MARF1: variants seen among roughly 807,000 people sequenced by gnomAD.
MARF1 encodes limkain-b1.
MARF1 carries 24 observed loss-of-function variants against 168.2 expected under a neutral mutation model. That is an observed-to-expected ratio of 0.14 (90% CI 0.10 to 0.20). MARF1 has a LOEUF of 0.20. Ranked by LOEUF, MARF1 falls within the 10% of genes least tolerant of loss-of-function variation. MARF1 has a pLI of 1.00. For synonymous variants in MARF1, 868 were observed against 822.4 expected (o/e 1.06, Z -0.95); for missense variants, 1,744 against 2,143.6 (o/e 0.81, Z 3.68).
At chr16:15,615,343 A>T (rs2033957573) in intron 16 of MARF1, among the ~76,000 whole-genome samples, 1 of 151,956 alleles carries the variant, frequency 6.6e-6, no homozygotes, top group South Asian at 2.1e-4. Flanking sequence ...AACAAAGTCT[A>T]GGCCGGTTGC....
intron 13 of MARF1, 28 bp downstream of exon 13, chr16:15,620,423 G>A (rs2034373763): frequency 2.7e-6 from 4 of 1,468,530 alleles, no homozygotes; most frequent in Middle Eastern, 1.7e-4. Context: ...AGTACTGACT[G>A]GATAAAGAAA....
intron 7 of MARF1, among the ~76,000 whole-genome samples, chr16:15,629,896 T>G (rs1333054693): frequency 6.6e-6 from 1 of 152,180 alleles, no homozygotes; most frequent in Non-Finnish European, 1.5e-5. Flanking sequence ...CCGCTGAAGC[T>G]TAAGGATTAA....
intron 1 of MARF1, among the ~76,000 whole-genome samples, chr16:15,641,536 C>T (rs2035960242): frequency 6.6e-6 from 1 of 152,190 alleles, no homozygotes; most frequent in African/African-American, 2.4e-5. Context: ...CTTAACATTA[C>T]TTATGTCTTC....
chr16:15,596,703 G>A lies in MARF1; in HGVS notation c.5219C>T (p.Thr1740Ile). The change falls in exon 27 of 27, where the codon ACC (threonine) becomes ATC (isoleucine). Residue 1740 changes from threonine to isoleucine, a missense_variant. Physicochemically the swap from Thr to Ile is moderately conservative, Grantham distance 89 (BLOSUM62 -1). This residue lies in a region of MARF1 where 313 missense variants were observed against 337.4 expected (regional missense o/e 0.93). Transcript: ENST00000396368. Reference sequence around the variant, plus strand: ...TATTCCAAATGGGAGTTAAAGCTTGGTTATAGGTGCTAAGGAAAAGTTGGC... The same window carrying A: ...TATTCCAAATGGGAGTTAAAGCTTGATTATAGGTGCTAAGGAAAAGTTGGC... Reference protein sequence around the residue: ...LAANFSLAPITKL With the variant: ...LAANFSLAPIIKL 2 of 1,599,362 alleles carry A rather than the reference G, an allele frequency of 1.3e-6. No individual in the cohort carries two copies. Among genetic ancestry groups the A allele is most frequent in the Non-Finnish European group, 1.7e-6 (2 of 1,168,586 alleles).
At chr16:15,635,247 A>G (rs13329739) in intron 3 of MARF1, 7,851 of 404,366 alleles carry the variant, frequency 0.019, 406 homozygotes, top group African/African-American at 0.12. Flanking sequence ...TTGAACACCA[A>G]TGTGACTGAG....
rs191113871 is a variant in MARF1, at chr16:15,623,895, C to T, written c.2271-772G>A. 2.6e-3 allele frequency among the ~76,000 whole-genome samples: 387 copies of T among 151,386 alleles called. 2 individuals carry two copies. The highest frequency in any genetic ancestry group is 3.7e-3 in the Non-Finnish European group (252 of 67,838). On this transcript the variant is annotated intron_variant, in intron 10 of 26. Coordinates refer to ENST00000396368, the MANE Select transcript of MARF1 (RefSeq NM_014647.4). The stretch of plus-strand genomic sequence containing the variant: ...GCTTTTTAGATGTAATTTTATAGAT[C>T]CATAGTCACTTTCTCTTTTTTTTTT...
intron 15 of MARF1, chr16:15,616,786 C>A: frequency 4.8e-6 from 2 of 414,952 alleles, no homozygotes; most frequent in East Asian, 4.2e-5. Flanking sequence ...GCAACTATAA[C>A]ACAATGGTAT....
chr16:15,617,476 C>A lies in MARF1; in HGVS notation c.2780G>T (p.Arg927Leu). The change falls in exon 14 of 27, where the codon CGT becomes CTT. Residue 927 changes from arginine (R) to leucine (L), a missense_variant. This residue lies in a region of MARF1 where 543 missense variants were observed against 742.1 expected (regional missense o/e 0.73). Transcript: ENST00000396368. The stretch of plus-strand genomic sequence containing the variant: ...CACCAGCCGTCCGTTTCCTTGTTCA[C>A]GGATTGCGACCGTGTCTGTTAATTT... ...LYKLTDTVAI[R>L]EQGNGRLVCL... The A allele has an allele frequency of 6.2e-7, 1 of 1,613,880 alleles. No homozygotes were observed. Among genetic ancestry groups the A allele is most frequent in the South Asian group, 1.1e-5 (1 of 91,078 alleles).
At chr16:15,615,096 A>G (rs1377632638) in intron 16 of MARF1, among the ~76,000 whole-genome samples, 1 of 152,156 alleles carries the variant, frequency 6.6e-6, no homozygotes, top group African/African-American at 2.4e-5. Flanking sequence ...AACTATTTTT[A>G]AAAGGTCAGT....
At chr16:15,608,895 AC>A (rs2033264156) in intron 20 of MARF1, among the ~76,000 whole-genome samples, 1 of 152,248 alleles carries the variant, frequency 6.6e-6, no homozygotes, top group Admixed American at 6.5e-5. Flanking sequence ...ACTCAGACCT[AC>A]CTTCAACACG....
chr16:15,611,852 T>C (rs989511426), intron 17 of MARF1, 118 bp from the exon 18 acceptor site: 2 of 780,392 alleles, frequency 2.6e-6, no homozygotes, highest in East Asian at 2.6e-5. Context: ...GTAGAATGTG[T>C]GCAATTTGAA....
intron 2 of MARF1, among the ~76,000 whole-genome samples, chr16:15,638,680 G>A (rs966455364): frequency 2.6e-5 from 4 of 151,974 alleles, no homozygotes; most frequent in African/African-American, 7.3e-5. Flanking sequence ...GAGAAATCTC[G>A]AAATAAAAAA....
At chr16:15,627,970 A>C (rs1039768828) in intron 7 of MARF1, among the ~76,000 whole-genome samples, 1 of 152,194 alleles carries the variant, frequency 6.6e-6, no homozygotes, top group African/African-American at 2.4e-5. Context: ...TATGCCTTGG[A>C]AATTACCCTA....
chr16:15,615,964 ACTT>A lies in MARF1; in HGVS notation c.3116_3118del (p.Glu1039del). On this transcript the variant is annotated inframe_deletion, in exon 16 of 27. Coordinates refer to ENST00000396368, the MANE Select transcript of MARF1 (RefSeq NM_014647.4). ...AACACCTCCTTGGTTTTCTTGCACTACTTCTAGATCGCCAAACTCTGCAATGTA... is the reference window on the plus strand; with the variant it reads ...AACACCTCCTTGGTTTTCTTGCACTACTAGATCGCCAAACTCTGCAATGTA... The A allele has an allele frequency of 1.3e-6, 2 of 1,565,754 alleles. No homozygotes were observed. Among genetic ancestry groups the A allele is most frequent in the Non-Finnish European group, 1.7e-6 (2 of 1,154,182 alleles).
chr16:15,599,545 G>A (rs1567525100), intron 25 of MARF1, among the ~76,000 whole-genome samples: 1 of 152,206 alleles, frequency 6.6e-6, no homozygotes, highest in South Asian at 2.1e-4. Context: ...TTCATAAAAC[G>A]TCAAATGCTG....
In MARF1 at chr16:15,620,456, T is replaced by C. The variant is rs774640657; in HGVS notation, c.2715A>G (p.Glu905=). 6.2e-7 allele frequency: 1 copy of C among 1,607,562 alleles called. No homozygotes were observed. Among genetic ancestry groups the C allele is most frequent in the East Asian group, 2.2e-5 (1 of 44,816 alleles). The change falls in exon 13 of 27, where the codon GAA becomes GAG. Residue 905 remains glutamate, a synonymous_variant. Coordinates refer to ENST00000396368, the MANE Select transcript of MARF1 (RefSeq NM_014647.4). ...LPLFKFTDIY[E]KKFGHKLNVS... Reference sequence around the variant, plus strand: ...AAAAAATATACCTAACTTACTTTTTTTCATAGATATCTGTAAATTTAAACA... The same window carrying C: ...AAAAAATATACCTAACTTACTTTTTCTCATAGATATCTGTAAATTTAAACA...
intron 10 of MARF1, among the ~76,000 whole-genome samples, chr16:15,623,445 A>G (rs1429008574): frequency 2.0e-5 from 3 of 151,688 alleles, no homozygotes; most frequent in African/African-American, 7.3e-5. Flanking sequence ...ACACCCAGCT[A>G]ATTTTTTTTA....
intron 16 of MARF1, among the ~76,000 whole-genome samples, chr16:15,613,145 CAA>C (rs1349283888): frequency 6.6e-6 from 1 of 152,060 alleles, no homozygotes; most frequent in African/African-American, 2.4e-5. Context: ...TACCTTTCCA[CAA>C]AGTTATAAAT....
intron 1 of MARF1, among the ~76,000 whole-genome samples, chr16:15,641,972 G>A (rs1008777731): frequency 1.3e-5 from 2 of 152,202 alleles, no homozygotes; most frequent in African/African-American, 2.4e-5. Flanking sequence ...AATGAGGAGA[G>A]CATAGGCTCT....
Sources: gnomAD v4.1 joint callset for allele counts (sites outside exome capture counted in the v4.1 genomes callset) on GRCh38, gnomAD v4.1.1 for gene constraint, gnomAD v4.1.1 regional missense constraint, MANE v1.5 for transcripts, NCBI Gene and HGNC (gene_info 2026-07-23, HGNC 2026-07-21) for gene names.